OPA1: variants seen among roughly 807,000 people sequenced by gnomAD.
OPA1 encodes the protein dynamin-like GTPase OPA1, mitochondrial.
Under a neutral mutation model 152.9 loss-of-function variants are expected in OPA1, and 59 were observed. The ratio of observed to expected loss-of-function variants is 0.39; its 90% CI spans 0.31 to 0.48. The LOEUF (loss-of-function observed/expected upper bound fraction) is 0.48. OPA1 is among the 20% of genes least tolerant of loss of function. The pLI, the probability that OPA1 is intolerant of heterozygous loss-of-function variation, is 0.96. For synonymous variants in OPA1, 400 were observed against 389.9 expected, an observed-to-expected ratio of 1.03 and a Z score of -0.31; for missense variants, 1,008 against 1,216.8, an observed-to-expected ratio of 0.83 and a Z score of 2.55.
intron 18 of OPA1, 34 bp downstream of exon 18, chr3:193,645,834 C>T: frequency 4.0e-6 from 6 of 1,491,192 alleles, no homozygotes; most frequent in Non-Finnish European, 5.6e-6. Context: ...AAACATTTTA[C>T]AGTAAGAGAG....
At chr3:193,645,495 G>A (rs992945832) in intron 16 of OPA1, 58 bp from the exon 17 acceptor site, 116 of 1,309,476 alleles carry the variant, frequency 8.9e-5, no homozygotes, top group African/African-American at 5.1e-4. Context: ...TGTATATTAC[G>A]CTTTTAAAAC....
intron 3 of OPA1, 149 bp downstream of exon 3, chr3:193,615,919 A>G (rs1728940207): frequency 1.6e-6 from 1 of 639,386 alleles, no homozygotes; most frequent in Non-Finnish European, 2.8e-6. Context: ...AAAAATCTGT[A>G]TAAAAGAAAT....
intron 23 of OPA1, among the ~76,000 whole-genome samples, chr3:193,658,207 T>C (rs1412639650): frequency 6.8e-6 from 1 of 147,548 alleles, no homozygotes; most frequent in Non-Finnish European, 1.5e-5. Context: ...ATCGTGCCAT[T>C]GCACTCCAGC....
intron 5 of OPA1, 52 bp from the exon 6 acceptor site, chr3:193,618,817 T>A: frequency 7.2e-7 from 1 of 1,394,500 alleles, no homozygotes; most frequent in Non-Finnish European, 1.0e-6. Flanking sequence ...AAATTCAGCT[T>A]AGGCTGTTGA....
chr3:193,675,733 A>G (rs1718858734), intron 29 of OPA1, among the ~76,000 whole-genome samples: 1 of 152,354 alleles, frequency 6.6e-6, no homozygotes, highest in Non-Finnish European at 1.5e-5. Flanking sequence ...AAACATTTTC[A>G]TGTCTATCAC....
At position 193,597,690 on chromosome 3, in the gene OPA1, CAAAAAAAA is replaced by C. The variant is rs75168011; in HGVS notation, c.32+4293_32+4300del. Among the ~76,000 whole-genome samples, 45 of 80,300 alleles carry C rather than the reference CAAAAAAAA, an allele frequency of 5.6e-4. No homozygotes were observed. In the East Asian group the frequency reaches 0.013, roughly 23 times the overall value. The allele number at this position is 80,300 out of a possible 152,430, so 52.7% of individuals were successfully genotyped here. A position where few individuals can be genotyped will look rare whatever the true frequency, so the allele number is the denominator to read the frequency against. ...TGGGTGACAGAGCAAGACTCCGTTT[CAAAAAAAA>C]AAAAAAAAAAAGAAATGGAAATCAG... On this transcript the variant is annotated intron_variant, in intron 1 of 30. Transcript: ENST00000361510.
chr3:193,643,539 A>G lies in OPA1; in HGVS notation c.1389A>G (p.Ser463=). The change falls in exon 15 of 31, where the codon TCA becomes TCG. Residue 463 remains serine (S), a synonymous_variant. Transcript: ENST00000361510. ...DLPGVINTVT[S]GMAPDTKETI... The stretch of plus-strand genomic sequence containing the variant: ...CCTTTTTCTTTAAGACTGTGACATC[A>G]GGCATGGCTCCTGACACAAAGGAAA... The G allele has an allele frequency of 6.2e-7, 1 of 1,613,842 alleles. No individual in the cohort carries two copies. The highest frequency in any genetic ancestry group is 1.3e-5 in the African/African-American group (1 of 75,034).
At chr3:193,605,680 C>T (rs1727147683) in intron 1 of OPA1, among the ~76,000 whole-genome samples, 1 of 152,250 alleles carries the variant, frequency 6.6e-6, no homozygotes, top group South Asian at 2.1e-4. Flanking sequence ...AAGATTATTT[C>T]TGTTTCTGAG....
At chr3:193,623,844 C>T (rs1430892057) in intron 6 of OPA1, among the ~76,000 whole-genome samples, 1 of 152,152 alleles carries the variant, frequency 6.6e-6, no homozygotes, top group African/African-American at 2.4e-5. Flanking sequence ...GTGGCCATCA[C>T]TTGGTATTTA....
At chr3:193,612,596 A>C (rs1291810477) in intron 1 of OPA1, among the ~76,000 whole-genome samples, 1 of 152,156 alleles carries the variant, frequency 6.6e-6, no homozygotes, top group East Asian at 1.9e-4. Context: ...AATTTTATCC[A>C]AATTAAAACT....
At chr3:193,609,104 C>G (rs147032723) in intron 1 of OPA1, among the ~76,000 whole-genome samples, 6 of 152,052 alleles carry the variant, frequency 3.9e-5, no homozygotes, top group African/African-American at 7.2e-5. Context: ...TGACTCTGCA[C>G]GTGAGATGGG....
chr3:193,674,322 A>G (rs1718535323), intron 29 of OPA1, among the ~76,000 whole-genome samples: 2 of 152,208 alleles, frequency 1.3e-5, no homozygotes, highest in South Asian at 4.1e-4. Context: ...TATAGATGAA[A>G]GTTTCTTTTT....
chr3:193,688,202 T>C (rs377169585), intron 29 of OPA1, among the ~76,000 whole-genome samples: 1 of 152,162 alleles, frequency 6.6e-6, no homozygotes, highest in Non-Finnish European at 1.5e-5. Flanking sequence ...TATCATTGAT[T>C]GACCGTACGC....
chr3:193,606,879 A>G (rs1423590606), intron 1 of OPA1, among the ~76,000 whole-genome samples: 2 of 152,174 alleles, frequency 1.3e-5, no homozygotes, highest in Non-Finnish European at 2.9e-5. Flanking sequence ...TTACAGTCCC[A>G]CCAACAGTGT....
At chr3:193,642,461 T>A (rs940688059) in intron 11 of OPA1, among the ~76,000 whole-genome samples, 3 of 152,238 alleles carry the variant, frequency 2.0e-5, no homozygotes, top group African/African-American at 7.2e-5. Context: ...GGCTTAGTGC[T>A]GTGTATAGCA....
chr3:193,637,529 G>C (rs1283766848), intron 10 of OPA1, among the ~76,000 whole-genome samples: 1 of 151,878 alleles, frequency 6.6e-6, no homozygotes, highest in East Asian at 1.9e-4. Flanking sequence ...GTGTTATAAA[G>C]GAAGATATTT....
At chr3:193,643,946 CCA>C in intron 15 of OPA1, 27 bp from the exon 16 acceptor site, 1 of 1,610,958 alleles carries the variant, frequency 6.2e-7, no homozygotes, top group Middle Eastern at 1.7e-4. Context: ...TCTTAAAATT[CCA>C]CAGTGTCATT....
At chr3:193,629,464 T>C (rs2971394) in intron 7 of OPA1, among the ~76,000 whole-genome samples, 144,651 of 151,248 alleles carry the variant, frequency 0.96, 69,238 homozygotes, top group East Asian at 1. Context: ...TTTGGGAGGC[T>C]GAGGTGGGCA....
intron 6 of OPA1, among the ~76,000 whole-genome samples, chr3:193,624,743 T>G (rs1730763293): frequency 6.6e-6 from 1 of 152,116 alleles, no homozygotes. Flanking sequence ...TTATAATAAA[T>G]CAACCACTTT....
Sources: gnomAD v4.1 joint callset for allele counts (sites outside exome capture counted in the v4.1 genomes callset) on GRCh38, gnomAD v4.1.1 for gene constraint, MANE v1.5 for transcripts, NCBI Gene and HGNC (gene_info 2026-07-23, HGNC 2026-07-21) for gene names.